The following TOX variants were observed in gnomAD, a reference collection of about 807,000 sequenced individuals.
TOX encodes the protein thymocyte selection-associated high mobility group box protein TOX.
TOX carries 11 observed loss-of-function variants against 53.7 expected under a neutral mutation model. The ratio of observed to expected loss-of-function variants is 0.20; its 90% confidence interval spans 0.13 to 0.34. The LOEUF is 0.34. TOX is among the 10% of genes least tolerant of loss of function. The pLI, the probability that TOX is intolerant of heterozygous loss-of-function variation, is 1.00. For missense variants in TOX, 570 were observed against 664.6 expected (o/e 0.86, Z 1.56); for synonymous variants, 225 against 245.3 (o/e 0.92, Z 0.77).
chr8:59,035,940 T>A (rs147536561), intron 1 of TOX, among the ~76,000 whole-genome samples: 78 of 152,362 alleles, frequency 5.1e-4, no homozygotes, highest in Non-Finnish European at 6.6e-4. Context: ...ACTATTATCC[T>A]CACTTTACAG....
chr8:58,994,833 C>T (rs528124098), intron 1 of TOX, among the ~76,000 whole-genome samples: 3 of 152,274 alleles, frequency 2.0e-5, no homozygotes, highest in East Asian at 1.9e-4. Flanking sequence ...GGGTGGGATG[C>T]GGCCTACTGC....
At chr8:59,022,474 T>A (rs1267952461) in intron 1 of TOX, among the ~76,000 whole-genome samples, 2 of 152,172 alleles carry the variant, frequency 1.3e-5, no homozygotes, top group Non-Finnish European at 2.9e-5. Context: ...CCTTCCCTAA[T>A]TCCACACAGC....
rs563006831 is a variant in TOX at position 58,952,750 on chromosome 8, T to C, written c.168+7193A>G. ...TCACTGAAATACATTTCCCTAATAC[T>C]TGACAAAACATACTATTTGACATTT... On this transcript the variant is annotated intron_variant, in intron 2 of 8. Coordinates refer to ENST00000361421, the MANE Select transcript of TOX (RefSeq NM_014729.3). Among the ~76,000 whole-genome samples the C allele has an allele frequency of 9.7e-4, 148 of 152,348 alleles. 1 individual carries two copies. Among genetic ancestry groups the C allele is most frequent in the African/African-American group, 3.4e-3 (142 of 41,588 alleles).
intron 3 of TOX, among the ~76,000 whole-genome samples, chr8:58,920,751 A>AG (rs56207626): frequency 8.4e-4 from 80 of 94,952 alleles, no homozygotes; most frequent in South Asian, 3.2e-3. Flanking sequence ...AAAAAGAAGA[A>AG]AAAAAAAAAA....
Position 59,042,151 on chromosome 8 carries a change from G to C in TOX, c.102+76735C>G, listed in dbSNP as rs570779075. ...CATTCTGATCGCTACATAGTAAAGGGTTACGAGCCAAAAAAATCCAAGATT... is the reference window on the plus strand; with the variant it reads ...CATTCTGATCGCTACATAGTAAAGGCTTACGAGCCAAAAAAATCCAAGATT... On this transcript the variant is annotated intron_variant, in intron 1 of 8. Transcript: ENST00000361421. 1.1e-4 allele frequency among the ~76,000 whole-genome samples: 17 copies of C among 152,240 alleles called. No homozygotes were observed. The South Asian group carries it at 3.5e-3, about 32-fold the overall frequency.
At chr8:58,861,292 T>C (rs1343052096) in intron 3 of TOX, among the ~76,000 whole-genome samples, 1 of 152,186 alleles carries the variant, frequency 6.6e-6, no homozygotes, top group African/African-American at 2.4e-5. Flanking sequence ...TGGTCCACCC[T>C]CTGATTCCCA....
At chr8:59,111,877 C>G (rs1805022022) in intron 1 of TOX, among the ~76,000 whole-genome samples, 1 of 152,086 alleles carries the variant, frequency 6.6e-6, no homozygotes, top group East Asian at 1.9e-4. Flanking sequence ...ACGATAAATA[C>G]TTGGCTAAAG....
chr8:58,956,027 G>A (rs771981698), intron 2 of TOX, among the ~76,000 whole-genome samples: 8 of 152,072 alleles, frequency 5.3e-5, no homozygotes, highest in East Asian at 1.9e-4. Flanking sequence ...GAGCAACCAC[G>A]CCCGGCAGAA....
At chr8:58,934,964 T>C (rs146625437) in intron 3 of TOX, among the ~76,000 whole-genome samples, 1 of 152,334 alleles carries the variant, frequency 6.6e-6, no homozygotes, top group Non-Finnish European at 1.5e-5. Flanking sequence ...GAACTTTCAT[T>C]TTCCATTTGT....
intron 1 of TOX, among the ~76,000 whole-genome samples, chr8:59,039,014 C>T (rs1054764538): frequency 6.6e-6 from 1 of 152,188 alleles, no homozygotes; most frequent in Non-Finnish European, 1.5e-5. Flanking sequence ...CTTAGATTCT[C>T]CAGGATTTTG....
chr8:59,076,296 G>A (rs1804291735), intron 1 of TOX, among the ~76,000 whole-genome samples: 2 of 152,130 alleles, frequency 1.3e-5, no homozygotes, highest in African/African-American at 4.8e-5. Flanking sequence ...TCCTTCAGAC[G>A]CAAAGGAAGG....
At chr8:58,974,871 T>C (rs1813062622) in intron 1 of TOX, among the ~76,000 whole-genome samples, 1 of 152,256 alleles carries the variant, frequency 6.6e-6, no homozygotes, top group East Asian at 1.9e-4. Context: ...ATGGCACTAT[T>C]AATTTTATGA....
intron 1 of TOX, among the ~76,000 whole-genome samples, chr8:59,013,699 G>T (rs567137664): frequency 6.6e-6 from 1 of 152,172 alleles, no homozygotes; most frequent in Non-Finnish European, 1.5e-5. Context: ...GTGAGCCAGC[G>T]CACCTGGCCA....
Position 58,807,137 on chromosome 8 carries a change from G to A in TOX, c.*610C>T, listed in dbSNP as rs1008664865. 2.0e-5 allele frequency: 3 copies of A among 152,508 alleles called. No homozygotes were observed. Among genetic ancestry groups the A allele is most frequent in the Non-Finnish European group, 4.4e-5 (3 of 68,002 alleles). 9.4% of individuals were successfully genotyped at this position (152,508 alleles called of 1,614,324 possible). On this transcript the variant is annotated 3_prime_UTR_variant, in exon 9 of 9. Coordinates refer to ENST00000361421, the MANE Select transcript of TOX (RefSeq NM_014729.3). ...TTGTTTTTAAATTAAAATCACTTGG[G>A]AATACTTTTTATTTTCAAATATTTT...
chr8:58,995,607 T>C (rs1813546525), intron 1 of TOX, among the ~76,000 whole-genome samples: 1 of 152,204 alleles, frequency 6.6e-6, no homozygotes, highest in Non-Finnish European at 1.5e-5. Flanking sequence ...TGAAAAAGCA[T>C]GATTTGAACA....
chr8:58,827,292 T>C (rs904971870), intron 5 of TOX, among the ~76,000 whole-genome samples: 14 of 152,298 alleles, frequency 9.2e-5, no homozygotes, highest in African/African-American at 3.4e-4. Context: ...ATTCACATCC[T>C]GATATATATG....
At chr8:59,021,475 A>T (rs368576225) in intron 1 of TOX, among the ~76,000 whole-genome samples, 3 of 67,088 alleles carry the variant, frequency 4.5e-5, no homozygotes, top group East Asian at 4.3e-4. Flanking sequence ...AAAAAAAAAA[A>T]AAAAAAATAT....
intron 6 of TOX, among the ~76,000 whole-genome samples, chr8:58,816,711 TCATG>T (rs1479078460): frequency 2.0e-5 from 3 of 152,210 alleles, no homozygotes; most frequent in Non-Finnish European, 2.9e-5. Flanking sequence ...AATCTCAATG[TCATG>T]CTTATTCAGC....
intron 1 of TOX, among the ~76,000 whole-genome samples, chr8:59,089,349 T>A (rs553255855): frequency 6.6e-6 from 1 of 152,322 alleles, no homozygotes; most frequent in South Asian, 2.1e-4. Context: ...AGGGGTCATG[T>A]CTCCAGCACA....
Sources: allele counts gnomAD v4.1 joint callset (sites outside exome capture counted in the v4.1 genomes callset), GRCh38; gene constraint gnomAD v4.1.1; transcripts MANE v1.5; gene names NCBI Gene and HGNC (gene_info 2026-07-23, HGNC 2026-07-21).